PIBF1: variants seen among roughly 807,000 people sequenced by gnomAD.
The protein encoded by PIBF1 is progesterone immunomodulatory binding factor 1, also known as progesterone-induced-blocking factor 1.
PIBF1 carries 90 observed loss-of-function variants against 112.5 expected under a neutral mutation model. The ratio of observed to expected loss-of-function variants is 0.80; its 90% CI spans 0.67 to 0.95. PIBF1 has a LOEUF of 0.95. Among genes scored for constraint, PIBF1 ranks in the 40% least tolerant of loss-of-function variants. PIBF1 has a pLI of 0.00. For synonymous variants in PIBF1, 301 were observed against 288.6 expected (o/e 1.04, Z -0.44); for missense variants, 915 against 852.3 (o/e 1.07, Z -0.92).
In PIBF1 at chr13:72,881,144, C is replaced by T. The variant is rs914258696; in HGVS notation, c.1323-12640C>T. ...ATGCTTCATGATTTTGTATGTCATC[C>T]GTGTGCAGGAACCATGCTAATTTTC... On this transcript the variant is annotated intron_variant, in intron 10 of 17. Coordinates refer to ENST00000326291, the MANE Select transcript of PIBF1 (RefSeq NM_006346.4). 7.3e-5 allele frequency: 11 copies of T among 150,312 alleles called. No homozygotes were observed. The East Asian group carries it at 7.8e-4, about 11-fold the overall frequency. 9.3% of individuals were successfully genotyped at this position (150,312 alleles called of 1,614,324 possible).
chr13:72,927,232 G>A (rs903246588), intron 13 of PIBF1, among the ~76,000 whole-genome samples: 4 of 151,954 alleles, frequency 2.6e-5, no homozygotes, highest in Admixed American at 1.3e-4. Context: ...CTGTCCGGGC[G>A]TGGTGGCTCA....
At chr13:72,868,937 A>G (rs1176153693) in intron 10 of PIBF1, among the ~76,000 whole-genome samples, 1 of 152,066 alleles carries the variant, frequency 6.6e-6, no homozygotes, top group East Asian at 1.9e-4. Context: ...CACCAGTTAG[A>G]ATGGCAATCA....
intron 10 of PIBF1, among the ~76,000 whole-genome samples, chr13:72,867,351 T>A (rs2038970519): frequency 6.6e-6 from 1 of 152,296 alleles, no homozygotes; most frequent in South Asian, 2.1e-4. Context: ...TTATCCAGTC[T>A]CAGGTATGTC....
chr13:72,921,001 C>CTTATCTAA (rs2041267386), intron 13 of PIBF1, among the ~76,000 whole-genome samples: 1 of 152,068 alleles, frequency 6.6e-6, no homozygotes, highest in Non-Finnish European at 1.5e-5. Flanking sequence ...GATTTAAAAT[C>CTTATCTAA]TTATATGTTC....
At position 72,923,766 on chromosome 13, in the gene PIBF1, A is replaced by C. The variant is rs1269104673; in HGVS notation, c.1730+6600A>C. Among the ~76,000 whole-genome samples the C allele has an allele frequency of 2.0e-5, 3 of 152,174 alleles. No individual in the cohort carries two copies. In the East Asian group the frequency reaches 5.8e-4, roughly 29 times the overall value. ...AATCACCTGAGGTCAGGAGTTCGAGACTAGCCTGGCCAACATGGCAAAACC... is the reference window on the plus strand; with the variant it reads ...AATCACCTGAGGTCAGGAGTTCGAGCCTAGCCTGGCCAACATGGCAAAACC... On this transcript the variant is annotated intron_variant, in intron 13 of 17. Transcript: ENST00000326291.
chr13:72,968,885 C>T (rs901567773), intron 15 of PIBF1, among the ~76,000 whole-genome samples: 1 of 151,658 alleles, frequency 6.6e-6, no homozygotes, highest in African/African-American at 2.4e-5. Flanking sequence ...ACAAAAAATA[C>T]AGAAAAATTT....
At chr13:72,939,271 T>C (rs1190049867) in intron 14 of PIBF1, among the ~76,000 whole-genome samples, 1 of 152,228 alleles carries the variant, frequency 6.6e-6, no homozygotes, top group East Asian at 1.9e-4. Context: ...CATTTTAAAG[T>C]AAACCGTTTA....
intron 8 of PIBF1, 28 bp downstream of exon 8, chr13:72,827,942 A>G (rs2036900177): frequency 6.9e-7 from 1 of 1,454,610 alleles, no homozygotes; most frequent in Non-Finnish European, 9.2e-7. Context: ...TCCCACGTAA[A>G]TAGATACCAA....
intron 16 of PIBF1, among the ~76,000 whole-genome samples, chr13:72,976,896 T>G (rs2043035894): frequency 6.6e-6 from 1 of 152,158 alleles, no homozygotes; most frequent in Non-Finnish European, 1.5e-5. Context: ...GGGCTGGGAC[T>G]AGGGTGAGGC....
At chr13:72,808,667 C>CT (rs2035857566) in intron 5 of PIBF1, among the ~76,000 whole-genome samples, 1 of 152,124 alleles carries the variant, frequency 6.6e-6, no homozygotes, top group South Asian at 2.1e-4. Flanking sequence ...TAGCCAGATA[C>CT]TTAAGCAGAA....
chr13:72,999,584 G>T (rs1466422639), intron 17 of PIBF1, among the ~76,000 whole-genome samples: 1 of 152,092 alleles, frequency 6.6e-6, no homozygotes, highest in South Asian at 2.1e-4. Flanking sequence ...GATTCAGTGA[G>T]TCCCCAGAAT....
Position 72,797,942 on chromosome 13 carries a change from G to A in PIBF1, c.588G>A (p.Lys196=). 1 of 1,605,790 alleles carries A rather than the reference G, an allele frequency of 6.2e-7. No individual in the cohort carries two copies. The change falls in exon 5 of 18, where the codon AAG becomes AAA. Residue 196 remains lysine (K), a synonymous_variant. Transcript: ENST00000326291. ...ATGAGCTAGTGAATCCATTAAGAAA[G>A]GAAATCTGTGAACTACAAGTGAAAA... ...RFYELVNPLR[K]EICELQVKKN...
At chr13:72,791,844 G>C (rs2034946833) in intron 2 of PIBF1, among the ~76,000 whole-genome samples, 1 of 151,576 alleles carries the variant, frequency 6.6e-6, no homozygotes, top group African/African-American at 2.4e-5. Context: ...ATGCTGGCCA[G>C]GCTTATCTTG....
chr13:72,987,035 T>C (rs1039313075), intron 16 of PIBF1, among the ~76,000 whole-genome samples: 1 of 152,216 alleles, frequency 6.6e-6, no homozygotes, highest in Admixed American at 6.5e-5. Flanking sequence ...ATAAACCTGC[T>C]CTGCTCTAGT....
chr13:72,918,859 A>G (rs777823448), intron 13 of PIBF1, among the ~76,000 whole-genome samples: 1 of 151,638 alleles, frequency 6.6e-6, no homozygotes, highest in Non-Finnish European at 1.5e-5. Flanking sequence ...ATGTGCCACC[A>G]TGCCTGGCTA....
chr13:72,963,866 C>G (rs565541458), intron 14 of PIBF1, among the ~76,000 whole-genome samples: 7 of 152,090 alleles, frequency 4.6e-5, no homozygotes, highest in Non-Finnish European at 8.8e-5. Flanking sequence ...AAATTGTAAT[C>G]AAATTTCTTG....
In PIBF1 at chr13:72,821,831, T is replaced by G; in HGVS notation, c.673-18T>G. Reference sequence around the variant, plus strand: ...AAGTGTTTAGTCTGAAATGTGTTATTATTCCTTTGGTTTATAGACATATGA... The same window carrying G: ...AAGTGTTTAGTCTGAAATGTGTTATGATTCCTTTGGTTTATAGACATATGA... On this transcript the variant is annotated intron_variant, in intron 5 of 17. Transcript: ENST00000326291. The G allele has an allele frequency of 6.3e-7, 1 of 1,591,754 alleles. No homozygotes were observed. The highest frequency in any genetic ancestry group is 8.6e-7 in the Non-Finnish European group (1 of 1,167,546).
At chr13:72,842,492 A>G (rs2037658698) in intron 9 of PIBF1, among the ~76,000 whole-genome samples, 1 of 152,224 alleles carries the variant, frequency 6.6e-6, no homozygotes, top group South Asian at 2.1e-4. Context: ...TTATCTTCCA[A>G]AAGTACTCAA....
intron 17 of PIBF1, among the ~76,000 whole-genome samples, chr13:73,000,851 A>T (rs182107920): frequency 6.6e-6 from 1 of 152,332 alleles, no homozygotes; most frequent in Admixed American, 6.5e-5. Flanking sequence ...CCTCCAGATA[A>T]GGTTATGCAG....
Sources: allele counts gnomAD v4.1 joint callset (sites outside exome capture counted in the v4.1 genomes callset), GRCh38; gene constraint gnomAD v4.1.1; transcripts MANE v1.5; gene names NCBI Gene and HGNC (gene_info 2026-07-23, HGNC 2026-07-21).